POU6F2: variants seen among roughly 807,000 people sequenced by gnomAD.
The protein encoded by POU6F2 is POU class 6 homeobox 2.
A neutral mutation model predicts 71.3 loss-of-function variants in POU6F2; 31 were observed. The ratio of observed to expected loss-of-function variants is 0.43; its 90% CI spans 0.33 to 0.59. POU6F2 has a LOEUF of 0.59. Ranked by LOEUF, POU6F2 falls within the 20% of genes least tolerant of loss-of-function variation. The pLI is 0.04. For missense variants in POU6F2, 783 were observed against 856.8 expected, an observed-to-expected ratio of 0.91 and a Z score of 1.07; for synonymous variants, 347 against 355.7, an observed-to-expected ratio of 0.98 and a Z score of 0.27.
intron 5 of POU6F2, among the ~76,000 whole-genome samples, chr7:39,392,145 C>G (rs1787086414): frequency 6.6e-6 from 1 of 152,150 alleles, no homozygotes; most frequent in African/African-American, 2.4e-5. Flanking sequence ...GAGCAGGACT[C>G]AAAAAATATA....
chr7:39,170,285 A>G (rs955591), intron 2 of POU6F2, among the ~76,000 whole-genome samples: 62,502 of 152,062 alleles, frequency 0.41, 13,321 homozygotes, highest in East Asian at 0.75. Context: ...TGGTAAAAAC[A>G]CATATTCTTA....
intron 4 of POU6F2, among the ~76,000 whole-genome samples, chr7:39,211,857 G>C (rs114346926): frequency 0.013 from 1,942 of 152,236 alleles, 47 homozygotes; most frequent in African/African-American, 0.044. Context: ...GCGCCCTCCA[G>C]GACGTTTCTC....
chr7:39,273,168 C>T (rs1366508658), intron 4 of POU6F2, among the ~76,000 whole-genome samples: 2 of 152,090 alleles, frequency 1.3e-5, no homozygotes, highest in Non-Finnish European at 2.9e-5. Flanking sequence ...TCCACACCCT[C>T]CAGGATGGGG....
chr7:39,176,263 A>G (rs1793326870), intron 2 of POU6F2, among the ~76,000 whole-genome samples: 2 of 152,172 alleles, frequency 1.3e-5, no homozygotes. Flanking sequence ...TCTCTTTGTC[A>G]GAGAGAATGA....
chr7:39,011,096 A>G (rs1102672), intron 1 of POU6F2, among the ~76,000 whole-genome samples: 92,121 of 112,650 alleles, frequency 0.82, 38,656 homozygotes, highest in East Asian at 0.94. Context: ...TTTCTGTCTC[A>G]TTGATCTGTC....
In POU6F2 at chr7:39,112,868, C is replaced by T. The variant is rs527826851; in HGVS notation, c.277+26837C>T. Among the ~76,000 whole-genome samples the T allele has an allele frequency of 2.0e-5, 3 of 152,176 alleles. No individual in the cohort carries two copies. The South Asian group carries it at 6.2e-4, about 32-fold the overall frequency. On this transcript the variant is annotated intron_variant, in intron 2 of 9. Coordinates refer to ENST00000518318, the MANE Select transcript of POU6F2 (RefSeq NM_001370959.1). ...TTCCCCAGAGAAAAGATACTGCCAT[C>T]TTAAGCTATTATGGATTAGATGTTT...
At chr7:39,433,363 AAAGT>A in intron 7 of POU6F2, 80 bp downstream of exon 7, 1 of 1,497,432 alleles carries the variant, frequency 6.7e-7, no homozygotes, top group Non-Finnish European at 9.2e-7. Context: ...CAATCAATGA[AAAGT>A]AACTTTTACA....
chr7:39,392,940 A>G (rs1242908423), intron 5 of POU6F2, among the ~76,000 whole-genome samples: 3 of 152,202 alleles, frequency 2.0e-5, no homozygotes, highest in East Asian at 1.9e-4. Context: ...GGTTTCTTCC[A>G]TCAGTGATTC....
At chr7:39,177,896 G>A (rs1338047968) in intron 2 of POU6F2, among the ~76,000 whole-genome samples, 1 of 152,152 alleles carries the variant, frequency 6.6e-6, no homozygotes, top group Non-Finnish European at 1.5e-5. Context: ...AAATTCACAA[G>A]CATAAGTTTA....
chr7:39,362,205 T>C (rs1786402652), intron 5 of POU6F2, among the ~76,000 whole-genome samples: 1 of 151,992 alleles, frequency 6.6e-6, no homozygotes, highest in African/African-American at 2.4e-5. Context: ...TTGAAGTTTC[T>C]AGTCTGGACC....
At chr7:39,111,360 A>C (rs1251094964) in intron 2 of POU6F2, among the ~76,000 whole-genome samples, 5 of 152,170 alleles carry the variant, frequency 3.3e-5, no homozygotes, top group Non-Finnish European at 5.9e-5. Context: ...ATTGTTTATG[A>C]ATTATTCTTA....
At chr7:39,242,176 A>G (rs536918197) in intron 4 of POU6F2, among the ~76,000 whole-genome samples, 1 of 152,246 alleles carries the variant, frequency 6.6e-6, no homozygotes, top group South Asian at 2.1e-4. Flanking sequence ...AAACGTTTGC[A>G]TATAGGTTTT....
At chr7:39,216,415 G>A (rs965138489) in intron 4 of POU6F2, among the ~76,000 whole-genome samples, 2 of 152,046 alleles carry the variant, frequency 1.3e-5, no homozygotes, top group South Asian at 2.1e-4. Flanking sequence ...AATTGGAGAC[G>A]GTTTAAAATA....
intron 6 of POU6F2, among the ~76,000 whole-genome samples, chr7:39,426,897 TC>T (rs1033933159): frequency 5.1e-4 from 77 of 152,242 alleles, no homozygotes; most frequent in African/African-American, 1.8e-3. Context: ...GTCTAGTCCC[TC>T]CCCTGGAATG....
chr7:39,288,101 ATAAT>A (rs1415081152), intron 4 of POU6F2, among the ~76,000 whole-genome samples: 1 of 152,238 alleles, frequency 6.6e-6, no homozygotes, highest in African/African-American at 2.4e-5. Context: ...ACACTAAAAA[ATAAT>A]TAAAGACCAA....
intron 4 of POU6F2, among the ~76,000 whole-genome samples, chr7:39,235,933 GA>G (rs1794666948): frequency 6.6e-6 from 1 of 152,168 alleles, no homozygotes; most frequent in Non-Finnish European, 1.5e-5. Flanking sequence ...GGAGCCAGAA[GA>G]TGAGATAAAT....
intron 2 of POU6F2, among the ~76,000 whole-genome samples, chr7:39,130,851 C>T (rs1792260510): frequency 1.3e-5 from 2 of 152,154 alleles, no homozygotes; most frequent in Non-Finnish European, 2.9e-5. Context: ...AAAGGGTACA[C>T]TTGGGATTTG....
chr7:39,388,261 C>T (rs1333117204), intron 5 of POU6F2, among the ~76,000 whole-genome samples: 6 of 152,194 alleles, frequency 3.9e-5, no homozygotes, highest in African/African-American at 4.8e-5. Flanking sequence ...AAAATCACCT[C>T]CTTGCTTCCA....
chr7:39,076,866 AGATACACACAC>A (rs1791013115), intron 1 of POU6F2, among the ~76,000 whole-genome samples: 1 of 91,100 alleles, frequency 1.1e-5, no homozygotes, highest in Non-Finnish European at 2.0e-5. Flanking sequence ...GCAAATGTTG[AGATACACACAC>A]ACACACACAC....
Sources: allele counts gnomAD v4.1 joint callset (sites outside exome capture counted in the v4.1 genomes callset), GRCh38; gene constraint gnomAD v4.1.1; transcripts MANE v1.5; gene names NCBI Gene and HGNC (gene_info 2026-07-23, HGNC 2026-07-21).